PROS1: variants seen among roughly 807,000 people sequenced by gnomAD.
PROS1 encodes protein S.
In PROS1, 29 loss-of-function variants were observed where a neutral mutation model predicts 75.9. The ratio of observed to expected loss-of-function variants is 0.38; its 90% CI spans 0.28 to 0.52. The LOEUF (loss-of-function observed/expected upper bound fraction) is 0.52, where lower values mean the gene tolerates loss of function less well. PROS1 is among the 20% of genes least tolerant of loss of function. The probability of loss-of-function intolerance (pLI) is 0.83; values close to 1 mark genes in which losing one functional copy is unlikely to be tolerated. For synonymous variants in PROS1, 245 were observed against 280.6 expected, an observed-to-expected ratio of 0.87 and a Z score of 1.27; for missense variants, 680 against 810.3, an observed-to-expected ratio of 0.84 and a Z score of 1.95.
At position 93,896,566 on chromosome 3, in the gene PROS1, G is replaced by T. The variant is rs755507167; in HGVS notation, c.965+10C>A. The T allele has an allele frequency of 8.9e-6, 14 of 1,570,544 alleles. No homozygotes were observed. Among genetic ancestry groups the T allele is most frequent in the Non-Finnish European group, 1.1e-5 (13 of 1,140,710 alleles). On this transcript the variant is annotated intron_variant, in intron 9 of 14. Coordinates refer to ENST00000394236, the MANE Select transcript of PROS1 (RefSeq NM_000313.4). ...ACCTCTAGAAATTATCATTGGTATT[G>T]GTTCCTCACCTGCTGATTTCTGGCA... is the stretch of plus-strand genomic sequence containing the variant.
intron 6 of PROS1, 101 bp downstream of exon 6, chr3:93,905,683 C>G: frequency 8.1e-7 from 1 of 1,234,572 alleles, no homozygotes; most frequent in Non-Finnish European, 1.2e-6. Flanking sequence ...TTAGTATAAG[C>G]ACTTACATAT....
chr3:93,949,560 G>T (rs1036939000), intron 1 of PROS1, among the ~76,000 whole-genome samples: 1 of 151,706 alleles, frequency 6.6e-6, no homozygotes, highest in African/African-American at 2.4e-5. Flanking sequence ...TTACATGAAA[G>T]AAATTTAATA....
intron 4 of PROS1, 103 bp from the exon 5 acceptor site, chr3:93,906,246 A>C: frequency 8.1e-7 from 1 of 1,236,618 alleles, no homozygotes; most frequent in Non-Finnish European, 1.1e-6. Flanking sequence ...CCAATGAAAA[A>C]AAAACACACA....
In PROS1 at chr3:93,908,190, G is replaced by A. The variant is rs566017900; in HGVS notation, c.347-2047C>T. Among the ~76,000 whole-genome samples, 15 of 152,218 alleles carry A rather than the reference G, an allele frequency of 9.9e-5. No homozygotes were observed. The South Asian group carries it at 3.1e-3, about 32-fold the overall frequency. ...ATTTGGACTAAGATGATGTAACAAG[G>A]AATAGATTTATCTTCCTGCCTTAAA... On this transcript the variant is annotated intron_variant, in intron 4 of 14. Coordinates refer to ENST00000394236, the MANE Select transcript of PROS1 (RefSeq NM_000313.4).
chr3:93,935,066 G>A (rs954297120), intron 1 of PROS1, among the ~76,000 whole-genome samples: 4 of 152,020 alleles, frequency 2.6e-5, no homozygotes, highest in Non-Finnish European at 4.4e-5. Flanking sequence ...TAGAATACAC[G>A]GCTTTATTAC....
At chr3:93,947,595 C>T (rs1216777415) in intron 1 of PROS1, among the ~76,000 whole-genome samples, 1 of 151,856 alleles carries the variant, frequency 6.6e-6, no homozygotes, top group African/African-American at 2.4e-5. Flanking sequence ...CTGAGACAGT[C>T]TCGCTCTGTC....
At chr3:93,932,008 TACAGG>T (rs1709113408) in intron 1 of PROS1, among the ~76,000 whole-genome samples, 2 of 152,242 alleles carry the variant, frequency 1.3e-5, no homozygotes, top group Admixed American at 6.5e-5. Flanking sequence ...GCCAGAAAGA[TACAGG>T]CATGACATCA....
intron 10 of PROS1, among the ~76,000 whole-genome samples, chr3:93,891,558 C>T (rs545573682): frequency 1.1e-4 from 16 of 152,070 alleles, no homozygotes; most frequent in South Asian, 1.0e-3. Context: ...TGCAGGCGTG[C>T]GCCACCAAGC....
chr3:93,966,114 T>C (rs1576221014), intron 1 of PROS1, among the ~76,000 whole-genome samples: 1 of 152,246 alleles, frequency 6.6e-6, no homozygotes, highest in East Asian at 1.9e-4. Context: ...CCTATAAAGC[T>C]ACAGCCAAAA....
intron 14 of PROS1, among the ~76,000 whole-genome samples, chr3:93,875,132 G>A (rs1708163578): frequency 6.6e-6 from 1 of 151,910 alleles, no homozygotes; most frequent in Admixed American, 6.6e-5. Flanking sequence ...CTATGACTGT[G>A]AGCTCATAGC....
At chr3:93,927,621 T>A (rs1420748471) in intron 1 of PROS1, among the ~76,000 whole-genome samples, 1 of 151,904 alleles carries the variant, frequency 6.6e-6, no homozygotes, top group Non-Finnish European at 1.5e-5. Context: ...CCTTGTATGA[T>A]GGTCTACACA....
intron 1 of PROS1, among the ~76,000 whole-genome samples, chr3:93,942,270 G>T (rs1709300809): frequency 6.6e-6 from 1 of 152,018 alleles, no homozygotes; most frequent in Non-Finnish European, 1.5e-5. Flanking sequence ...CTTGCAAAGG[G>T]ACTACACATC....
At chr3:93,972,341 A>C (rs1386387943) in intron 1 of PROS1, among the ~76,000 whole-genome samples, 1 of 152,240 alleles carries the variant, frequency 6.6e-6, no homozygotes, top group African/African-American at 2.4e-5. Flanking sequence ...ATAATGTTTT[A>C]GTCCCAAGTT....
intron 9 of PROS1, among the ~76,000 whole-genome samples, chr3:93,894,170 C>T (rs565437970): frequency 1.2e-4 from 18 of 152,106 alleles, no homozygotes; most frequent in African/African-American, 3.9e-4. Context: ...ACACTCTTAC[C>T]GCAATATAGT....
At position 93,900,934 on chromosome 3, in the gene PROS1, A is replaced by G. The variant is rs753483492; in HGVS notation, c.602-5T>C. On this transcript the variant is annotated splice_region_variant and splice_polypyrimidine_tract_variant and intron_variant, in intron 6 of 14. Transcript: ENST00000394236. ...TCAAAGAGCATTCATCCACATCTAT[A>G]AATAAAATCACTATATTAAAAAACA... The G allele has an allele frequency of 3.7e-6, 6 of 1,613,280 alleles. No homozygotes were observed. The highest frequency in any genetic ancestry group is 5.1e-6 in the Non-Finnish European group (6 of 1,179,746).
At chr3:93,916,596 G>A (rs897579968) in intron 3 of PROS1, among the ~76,000 whole-genome samples, 3 of 152,068 alleles carry the variant, frequency 2.0e-5, no homozygotes, top group African/African-American at 7.2e-5. Flanking sequence ...CCACACAACA[G>A]GAATAGTAAA....
intron 9 of PROS1, 31 bp from the exon 10 acceptor site, chr3:93,893,153 A>G: frequency 6.4e-7 from 1 of 1,568,968 alleles, no homozygotes; most frequent in Non-Finnish European, 8.7e-7. Flanking sequence ...GATCCTTAAG[A>G]GTAAGAAATA....
At chr3:93,916,294 T>C (rs1451531288) in intron 3 of PROS1, among the ~76,000 whole-genome samples, 1 of 152,156 alleles carries the variant, frequency 6.6e-6, no homozygotes, top group African/African-American at 2.4e-5. Context: ...AGAATCATCG[T>C]TTTTGAGAAA....
intron 3 of PROS1, among the ~76,000 whole-genome samples, chr3:93,923,179 A>T (rs186157975): frequency 6.6e-6 from 1 of 152,200 alleles, no homozygotes. Flanking sequence ...CAAAGAGAAG[A>T]GTTGGGCAGG....
Sources: allele counts gnomAD v4.1 joint callset (sites outside exome capture counted in the v4.1 genomes callset), GRCh38; gene constraint gnomAD v4.1.1; transcripts MANE v1.5; gene names NCBI Gene and HGNC (gene_info 2026-07-23, HGNC 2026-07-21).